GLI3: variants seen among roughly 807,000 people sequenced by gnomAD.
GLI3 encodes the protein GLI family zinc finger 3, also known as transcription activator GLI3.
In GLI3, 20 loss-of-function variants were observed where a neutral mutation model predicts 100.8. The ratio of observed to expected loss-of-function variants is 0.20; its 90% CI spans 0.14 to 0.29. The LOEUF (loss-of-function observed/expected upper bound fraction) is 0.29, where lower values mean the gene tolerates loss of function less well. GLI3 is among the 10% of genes least tolerant of loss of function. The pLI is 1.00. For missense variants in GLI3, 2,040 were observed against 2,128.5 expected (o/e 0.96, Z 0.82); for synonymous variants, 938 against 860.5 (o/e 1.09, Z -1.58).
chr7:42,060,527 T>C (rs1009823486), intron 4 of GLI3, among the ~76,000 whole-genome samples: 4 of 152,294 alleles, frequency 2.6e-5, no homozygotes, highest in African/African-American at 4.8e-5. Flanking sequence ...ATAAAAACTT[T>C]TGTCTTTAGA....
intron 3 of GLI3, among the ~76,000 whole-genome samples, chr7:42,123,600 G>T (rs1235192426): frequency 6.6e-6 from 1 of 152,038 alleles, no homozygotes; most frequent in East Asian, 1.9e-4. Context: ...TAAAATAACT[G>T]GTATTCCATC....
Position 41,964,091 on chromosome 7 carries a change from G to T in GLI3, c.*239C>A, listed in dbSNP as rs1374208185. ...TTTTTTTTTTTTTTTTAAAAAGAGGGTGGTTTGAGTGTAACAATACTGATT... is the reference window on the plus strand; with the variant it reads ...TTTTTTTTTTTTTTTTAAAAAGAGGTTGGTTTGAGTGTAACAATACTGATT... On this transcript the variant is annotated 3_prime_UTR_variant, in exon 15 of 15. Transcript: ENST00000395925. 7 of 337,024 alleles carry T rather than the reference G, an allele frequency of 2.1e-5. No homozygotes were observed. The highest frequency in any genetic ancestry group is 1.8e-3 in the Middle Eastern group (2 of 1,088). 20.9% of individuals were successfully genotyped at this position (337,024 alleles called of 1,614,324 possible).
At chr7:42,250,840 C>T (rs1232134470) in intron 1 of GLI3, among the ~76,000 whole-genome samples, 7 of 152,288 alleles carry the variant, frequency 4.6e-5, no homozygotes, top group South Asian at 2.1e-4. Flanking sequence ...GAACATATCA[C>T]GGACATTTAC....
intron 3 of GLI3, among the ~76,000 whole-genome samples, chr7:42,129,142 G>A (rs1261102774): frequency 6.6e-6 from 1 of 152,172 alleles, no homozygotes; most frequent in Non-Finnish European, 1.5e-5. Context: ...CTTACTCTGT[G>A]CTAGGCACTT....
In GLI3 at chr7:42,160,534, A is replaced by G. The variant is rs1169310960; in HGVS notation, c.125-12066T>C. Among the ~76,000 whole-genome samples, 7 of 152,302 alleles carry G rather than the reference A, an allele frequency of 4.6e-5. No individual in the cohort carries two copies. In the East Asian group the frequency reaches 9.6e-4, roughly 21 times the overall value. On this transcript the variant is annotated intron_variant, in intron 2 of 14. Transcript: ENST00000395925. ...TTTTGACAGCAGCCCCTCACATGAGATCAGGTGTAGAGTTTTCTACTTGTG... is the reference window on the plus strand; with the variant it reads ...TTTTGACAGCAGCCCCTCACATGAGGTCAGGTGTAGAGTTTTCTACTTGTG...
At chr7:42,202,267 T>A (rs1788055422) in intron 2 of GLI3, among the ~76,000 whole-genome samples, 1 of 151,506 alleles carries the variant, frequency 6.6e-6, no homozygotes, top group Admixed American at 6.6e-5. Flanking sequence ...TGGCCCCTCT[T>A]TGGTCTGTGT....
chr7:42,139,798 G>C (rs956558584), intron 3 of GLI3, among the ~76,000 whole-genome samples: 2 of 152,232 alleles, frequency 1.3e-5, no homozygotes, highest in African/African-American at 4.8e-5. Flanking sequence ...CTGCGATGGA[G>C]TCGCACGCTG....
chr7:42,246,805 C>CTA (rs1332970657), intron 1 of GLI3, among the ~76,000 whole-genome samples: 1,313 of 94,990 alleles, frequency 0.014, 60 homozygotes, highest in African/African-American at 0.054. Context: ...ATGATAGAAT[C>CTA]TTTTTTTTTT....
intron 2 of GLI3, among the ~76,000 whole-genome samples, chr7:42,193,029 A>C (rs375947298): frequency 6.6e-6 from 1 of 152,174 alleles, no homozygotes; most frequent in African/African-American, 2.4e-5. Context: ...GGCCCCAGCA[A>C]GTTTAGGGTT....
intron 3 of GLI3, among the ~76,000 whole-genome samples, chr7:42,112,231 C>T (rs116877622): frequency 1.3e-5 from 2 of 152,250 alleles, no homozygotes; most frequent in East Asian, 3.9e-4. Context: ...AAGACTGTGT[C>T]CACTGTTATT....
intron 3 of GLI3, among the ~76,000 whole-genome samples, chr7:42,146,033 T>C (rs1278514664): frequency 6.6e-6 from 1 of 152,172 alleles, no homozygotes; most frequent in East Asian, 1.9e-4. Flanking sequence ...GTGCAGTCTT[T>C]AGGACTTCCC....
chr7:42,010,340 A>G (rs1788578364), intron 10 of GLI3, among the ~76,000 whole-genome samples: 1 of 152,204 alleles, frequency 6.6e-6, no homozygotes, highest in South Asian at 2.1e-4. Flanking sequence ...AGGGGAGTGC[A>G]CTGGGAGCTT....
In GLI3 at chr7:42,250,179, G is replaced by T. The variant is rs561610683; in HGVS notation, c.-43+13815C>A. 5.9e-5 allele frequency among the ~76,000 whole-genome samples: 9 copies of T among 152,234 alleles called. No homozygotes were observed. In the East Asian group the frequency reaches 1.7e-3, roughly 29 times the overall value. On this transcript the variant is annotated intron_variant, in intron 1 of 2. Transcript: ENST00000678978. ...GTTACCCACTGTAGCACTGAAGTATGTGAAGGCTTACCCAAGACTTGGGTT... is the reference window on the plus strand; with the variant it reads ...GTTACCCACTGTAGCACTGAAGTATTTGAAGGCTTACCCAAGACTTGGGTT...
chr7:42,260,270 G>A (rs760042147), intron 1 of GLI3, among the ~76,000 whole-genome samples: 3 of 152,174 alleles, frequency 2.0e-5, no homozygotes. Context: ...TCAAGTCCAT[G>A]AATGTTCACA....
chr7:42,037,488 A>G (rs1784036746), intron 7 of GLI3, among the ~76,000 whole-genome samples: 1 of 152,198 alleles, frequency 6.6e-6, no homozygotes, highest in South Asian at 2.1e-4. Flanking sequence ...CAATGATAAC[A>G]ATTATTATCA....
At chr7:41,997,877 G>A (rs922890522) in intron 10 of GLI3, among the ~76,000 whole-genome samples, 73 of 152,080 alleles carry the variant, frequency 4.8e-4, no homozygotes, top group African/African-American at 1.6e-3. Context: ...CAGTTAAGCC[G>A]TTCACCAATC....
At chr7:41,968,604 A>G (rs974650014) in intron 13 of GLI3, among the ~76,000 whole-genome samples, 1 of 151,912 alleles carries the variant, frequency 6.6e-6, no homozygotes, top group Non-Finnish European at 1.5e-5. Context: ...TAGAACCTCA[A>G]CCAAGGTGTC....
intron 10 of GLI3, among the ~76,000 whole-genome samples, chr7:42,009,917 T>C (rs1489407403): frequency 2.6e-5 from 4 of 152,224 alleles, no homozygotes; most frequent in African/African-American, 9.6e-5. Flanking sequence ...GTAGCCCCAG[T>C]GGACTGGATA....
chr7:42,223,422 A>G, intron 1 of GLI3, 127 bp from the exon 2 acceptor site: 1 of 587,464 alleles, frequency 1.7e-6, no homozygotes, highest in South Asian at 1.9e-5. Context: ...TGTGGATGAC[A>G]CTTCTCCACA....
Sources: allele counts gnomAD v4.1 joint callset (sites outside exome capture counted in the v4.1 genomes callset), GRCh38; gene constraint gnomAD v4.1.1; transcripts MANE v1.5; gene names NCBI Gene and HGNC (gene_info 2026-07-23, HGNC 2026-07-21).